ADAMTS9: variants seen among roughly 807,000 people sequenced by gnomAD.
ADAMTS9 encodes ADAM metallopeptidase with thrombospondin type 1 motif 9.
Under a neutral mutation model 257.1 loss-of-function variants are expected in ADAMTS9, and 107 were observed. That is an observed-to-expected ratio of 0.42 (90% confidence interval 0.36 to 0.49). ADAMTS9 has a LOEUF of 0.49. Ranked by LOEUF, ADAMTS9 falls within the 20% of genes least tolerant of loss-of-function variation. The pLI is 0.03. For synonymous variants in ADAMTS9, 982 were observed against 880.9 expected (o/e 1.11, Z -2.03); for missense variants, 2,353 against 2,469.1 (o/e 0.95, Z 1.00).
intron 12 of ADAMTS9, among the ~76,000 whole-genome samples, chr3:64,639,988 G>C (rs1700598990): frequency 6.6e-6 from 1 of 152,178 alleles, no homozygotes; most frequent in Non-Finnish European, 1.5e-5. Flanking sequence ...AGTAGGAATA[G>C]TGTGACAACT....
chr3:64,588,683 T>TC (rs571196336), intron 28 of ADAMTS9: 2 of 151,960 alleles, frequency 1.3e-5, no homozygotes, highest in Non-Finnish European at 2.9e-5. Context: ...CTAACCCTGC[T>TC]CCCCCAACCT....
chr3:64,601,776 C>A (rs1287282950), intron 26 of ADAMTS9, among the ~76,000 whole-genome samples, 168 bp downstream of exon 26: 1 of 152,126 alleles, frequency 6.6e-6, no homozygotes, highest in African/African-American at 2.4e-5. Context: ...GTATCAGTAT[C>A]ATCAAGGGCT....
chr3:64,615,299 A>C, intron 21 of ADAMTS9, 22 bp downstream of exon 21: 2 of 1,611,034 alleles, frequency 1.2e-6, no homozygotes, highest in South Asian at 2.2e-5. Flanking sequence ...ACCTAGGGGA[A>C]ATAACAGCCC....
rs534588443 is a variant in ADAMTS9, at chr3:64,654,560, C to A, written c.1210+12G>T. 1 of 1,614,056 alleles carries A rather than the reference C, an allele frequency of 6.2e-7. No individual in the cohort carries two copies. Among genetic ancestry groups the A allele is most frequent in the Non-Finnish European group, 8.5e-7 (1 of 1,179,982 alleles). ...CGGTTTTAGCCATAGAAGATACGCA[C>A]AGAGAACTCACCTAAGGTATCACAT... On this transcript the variant is annotated intron_variant, in intron 7 of 39. Transcript: ENST00000498707.
Sources: gnomAD v4.1 joint callset for allele counts (sites outside exome capture counted in the v4.1 genomes callset) on GRCh38, gnomAD v4.1.1 for gene constraint, MANE v1.5 for transcripts, NCBI Gene and HGNC (gene_info 2026-07-23, HGNC 2026-07-21) for gene names.